Variants in CNIH3 observed in about 807,000 individuals in gnomAD.
The protein encoded by CNIH3 is cornichon family AMPA receptor auxiliary protein 3, also known as protein cornichon homolog 3.
A neutral mutation model predicts 24.1 loss-of-function variants in CNIH3; 14 were observed. That is an observed-to-expected ratio of 0.58 (90% CI 0.38 to 0.91). The LOEUF (loss-of-function observed/expected upper bound fraction) is 0.91. Ranked by LOEUF, CNIH3 falls within the 40% of genes least tolerant of loss-of-function variation. The pLI, the probability that CNIH3 is intolerant of heterozygous loss-of-function variation, is 0.00. For missense variants in CNIH3, 178 were observed against 196.8 expected (o/e 0.90, Z 0.57); for synonymous variants, 68 against 73.8 (o/e 0.92, Z 0.40).
chr1:224,589,117 C>A (rs897102928), downstream of CNIH3, among the ~76,000 whole-genome samples: 1 of 151,948 alleles, frequency 6.6e-6, no homozygotes, highest in African/African-American at 2.4e-5. Context: ...ACCTGCAATG[C>A]GCGAGTTGAA....
chr1:224,651,736 C>A (rs922889213), intron 1 of CNIH3, among the ~76,000 whole-genome samples: 2 of 152,138 alleles, frequency 1.3e-5, no homozygotes, highest in African/African-American at 4.8e-5. Context: ...TTCAATCATG[C>A]TTTTATTGAC....
chr1:224,563,460 G>GGTGTGT (rs55836837), intron 3 of CNIH3, among the ~76,000 whole-genome samples: 5,356 of 146,382 alleles, frequency 0.037, 215 homozygotes, highest in African/African-American at 0.093. Context: ...TTTTAGACGG[G>GGTGTGT]GTGTGTGTGT....
chr1:224,668,225 T>C (rs886467641), intron 1 of CNIH3, among the ~76,000 whole-genome samples: 3 of 152,166 alleles, frequency 2.0e-5, no homozygotes, highest in African/African-American at 2.4e-5. Flanking sequence ...CACCTACAAC[T>C]TTTAAGTTGT....
intron 2 of CNIH3, among the ~76,000 whole-genome samples, chr1:224,544,669 C>T (rs958207822): frequency 6.6e-6 from 1 of 152,168 alleles, no homozygotes; most frequent in Non-Finnish European, 1.5e-5. Context: ...GAGCCCATGA[C>T]CGCTGTGCTG....
intron 3 of CNIH3, among the ~76,000 whole-genome samples, chr1:224,594,124 A>G (rs1681876799): frequency 6.6e-6 from 1 of 152,242 alleles, no homozygotes; most frequent in South Asian, 2.1e-4. Flanking sequence ...ACAGAACTGA[A>G]CACTTAAAAA....
At chr1:224,668,648 G>A (rs1008631693) in intron 1 of CNIH3, among the ~76,000 whole-genome samples, 13 of 152,160 alleles carry the variant, frequency 8.5e-5, no homozygotes, top group African/African-American at 3.1e-4. Flanking sequence ...TATCCAAGGA[G>A]TAGAGGACAC....
rs1048605342 is a variant in CNIH3, at chr1:224,604,170, A to G, written n.402+37906A>G. 1.3e-5 allele frequency among the ~76,000 whole-genome samples: 2 copies of G among 152,254 alleles called. No individual in the cohort carries two copies. Among genetic ancestry groups the G allele is most frequent in the African/African-American group, 4.8e-5 (2 of 41,466 alleles). The stretch of plus-strand genomic sequence containing the variant: ...CATCCTATGACAATTAGCCTGAATT[A>G]ATGAGTTTAATTTTGAATTTAATTA... On this transcript the variant is annotated intron_variant and non_coding_transcript_variant, in intron 3 of 7. Transcript: ENST00000478120. This position sits in a 1 kb window ranked among gnomAD's most constrained non-coding sequence, Gnocchi z 4.4.
intron 3 of CNIH3, among the ~76,000 whole-genome samples, chr1:224,689,498 C>T (rs1051723203): frequency 4.6e-5 from 7 of 152,142 alleles, no homozygotes; most frequent in South Asian, 2.1e-4. Flanking sequence ...CACGGTGGGC[C>T]GGCCTGGGCC....
At chr1:224,488,400 T>C (rs1051612331) in intron 1 of CNIH3, among the ~76,000 whole-genome samples, 4 of 149,874 alleles carry the variant, frequency 2.7e-5, no homozygotes, top group African/African-American at 9.8e-5. Flanking sequence ...TAATCAATCT[T>C]CAAGTTCACT....
At chr1:224,673,553 G>A (rs6666840) in intron 1 of CNIH3, among the ~76,000 whole-genome samples, 32,835 of 152,070 alleles carry the variant, frequency 0.22, 3,588 homozygotes, top group East Asian at 0.26. Context: ...CTCTCAGCTT[G>A]AAAGATACCT....
intron 3 of CNIH3, among the ~76,000 whole-genome samples, chr1:224,695,357 A>AACACACAC (rs56245587): frequency 6.9e-6 from 1 of 145,740 alleles, no homozygotes; most frequent in African/African-American, 2.6e-5. Context: ...TCTCTTTCTA[A>AACACACAC]ACACACACAC....
chr1:224,542,246 T>A (rs1304821040), downstream of CNIH3, among the ~76,000 whole-genome samples: 2 of 152,236 alleles, frequency 1.3e-5, no homozygotes, highest in African/African-American at 2.4e-5. Context: ...TTCCATCTAT[T>A]TGTAGGAAGC....
chr1:224,448,868 G>A, intron 1 of CNIH3, among the ~76,000 whole-genome samples: 1 of 151,918 alleles, frequency 6.6e-6, no homozygotes, highest in Non-Finnish European at 1.5e-5. Context: ...AGTGAATTTA[G>A]AGCTCCAGAG....
At chr1:224,540,177 T>G (rs1679458241), downstream of CNIH3, among the ~76,000 whole-genome samples, 1 of 152,214 alleles carries the variant, frequency 6.6e-6, no homozygotes, top group Admixed American at 6.5e-5. Flanking sequence ...ACGGGCCAAC[T>G]TACATGGAAA....
chr1:224,635,595 C>G (rs1009617316), intron 1 of CNIH3, among the ~76,000 whole-genome samples: 2 of 152,240 alleles, frequency 1.3e-5, no homozygotes, highest in Non-Finnish European at 2.9e-5. Flanking sequence ...CACAGCACAG[C>G]CGAGCCGGCC....
chr1:224,645,834 C>T (rs1347945612), intron 1 of CNIH3, among the ~76,000 whole-genome samples: 1 of 152,220 alleles, frequency 6.6e-6, no homozygotes, highest in Non-Finnish European at 1.5e-5. Context: ...GGCCATCTCG[C>T]TCCAAGGGAA....
chr1:224,505,729 T>C (rs1050520635), intron 1 of CNIH3, among the ~76,000 whole-genome samples: 1 of 152,232 alleles, frequency 6.6e-6, no homozygotes, highest in Non-Finnish European at 1.5e-5. Context: ...AGATTGTTTG[T>C]GCCTTTCAGT....
At chr1:224,447,020 AAAGAACTTT>A (rs1435746126) in intron 1 of CNIH3, among the ~76,000 whole-genome samples, 1 of 152,144 alleles carries the variant, frequency 6.6e-6, no homozygotes, top group African/African-American at 2.4e-5. Flanking sequence ...GTAAAAATGT[AAAGAACTTT>A]TAGGAATTGT....
intron 2 of CNIH3, among the ~76,000 whole-genome samples, chr1:224,526,249 C>G (rs1314769906): frequency 6.6e-6 from 1 of 152,164 alleles, no homozygotes; most frequent in Admixed American, 6.5e-5. Context: ...TGGTGTCCCC[C>G]CAAATTCATA....
Sources: allele counts gnomAD v4.1 joint callset (sites outside exome capture counted in the v4.1 genomes callset), GRCh38; gene constraint gnomAD v4.1.1; non-coding constraint Gnocchi (gnomAD v3.1); transcripts MANE v1.5; gene names NCBI Gene and HGNC (gene_info 2026-07-23, HGNC 2026-07-21).